Variants in PDE7B observed in about 807,000 individuals in gnomAD.
The protein encoded by PDE7B is 3',5'-cyclic-AMP phosphodiesterase 7B.
In PDE7B, 29 loss-of-function variants were observed where a neutral mutation model predicts 56.2. The ratio of observed to expected loss-of-function variants is 0.52; its 90% CI spans 0.38 to 0.70. PDE7B has a LOEUF of 0.70. Among genes scored for constraint, PDE7B ranks in the 30% least tolerant of loss-of-function variants. The pLI, the probability that PDE7B is intolerant of heterozygous loss-of-function variation, is 0.00. For missense variants in PDE7B, 490 were observed against 565.0 expected, an observed-to-expected ratio of 0.87 and a Z score of 1.35; for synonymous variants, 197 against 196.9, an observed-to-expected ratio of 1.00 and a Z score of 0.00.
At chr6:136,141,735 T>C (rs1477695322) in intron 3 of PDE7B, among the ~76,000 whole-genome samples, 6 of 152,222 alleles carry the variant, frequency 3.9e-5, no homozygotes, top group African/African-American at 1.4e-4. Context: ...TTCTTCTAGA[T>C]TTTCTAGTTT....
chr6:135,900,658 A>G (rs771224941), intron 1 of PDE7B, among the ~76,000 whole-genome samples: 2 of 151,910 alleles, frequency 1.3e-5, no homozygotes, highest in Non-Finnish European at 2.9e-5. Flanking sequence ...GGAGCCAAAT[A>G]TTAAATATCT....
At chr6:136,008,588 G>A (rs139158327) in intron 2 of PDE7B, among the ~76,000 whole-genome samples, 3 of 152,088 alleles carry the variant, frequency 2.0e-5, no homozygotes, top group Admixed American at 6.6e-5. Flanking sequence ...TGGCCAGTGA[G>A]GATGAGCATT....
chr6:135,865,253 A>G (rs1309855432), intron 1 of PDE7B, among the ~76,000 whole-genome samples: 1 of 151,964 alleles, frequency 6.6e-6, no homozygotes, highest in East Asian at 1.9e-4. Context: ...TCCTACTCCC[A>G]TTACTTACCT....
At chr6:136,171,972 A>C (rs1778890992) in intron 8 of PDE7B, among the ~76,000 whole-genome samples, 2 of 151,870 alleles carry the variant, frequency 1.3e-5, no homozygotes, top group Admixed American at 1.3e-4. Context: ...TGAACTCATC[A>C]TTTTTTATGG....
chr6:136,077,327 G>A (rs1181337796), intron 2 of PDE7B, among the ~76,000 whole-genome samples: 2 of 152,174 alleles, frequency 1.3e-5, no homozygotes, highest in Middle Eastern at 3.2e-3. Context: ...ATAAAGATGT[G>A]TGGTTTTTTT....
intron 2 of PDE7B, among the ~76,000 whole-genome samples, chr6:135,985,367 A>G (rs917974491): frequency 2.6e-5 from 4 of 152,210 alleles, no homozygotes; most frequent in Non-Finnish European, 4.4e-5. Context: ...AGGCAACTAG[A>G]GGTTTCCAGA....
At chr6:136,148,470 A>AGGCAGGCAGGCAGGCAGGGAGGC (rs374978896) in intron 4 of PDE7B, among the ~76,000 whole-genome samples, 1 of 130,138 alleles carries the variant, frequency 7.7e-6, no homozygotes. Context: ...GGAAGGAAGG[A>AGGCAGGCAGGCAGGCAGGGAGGC]AGGCAGGCAG....
chr6:136,005,321 A>G (rs2128206529), intron 2 of PDE7B, among the ~76,000 whole-genome samples: 1 of 152,290 alleles, frequency 6.6e-6, no homozygotes, highest in Non-Finnish European at 1.5e-5. Flanking sequence ...AAAACACCAA[A>G]AGCAATGGCA....
chr6:135,944,031 T>C (rs915656106), intron 1 of PDE7B, among the ~76,000 whole-genome samples: 1 of 152,134 alleles, frequency 6.6e-6, no homozygotes, highest in Non-Finnish European at 1.5e-5. Flanking sequence ...GGTCTCGATA[T>C]TTCAGGCACA....
At chr6:136,122,623 A>G (rs1273548987) in intron 3 of PDE7B, among the ~76,000 whole-genome samples, 2 of 152,236 alleles carry the variant, frequency 1.3e-5, no homozygotes, top group African/African-American at 4.8e-5. Context: ...TGTACAATCT[A>G]TAATTGTATA....
chr6:135,884,948 C>T (rs1435416408), intron 1 of PDE7B, among the ~76,000 whole-genome samples: 1 of 152,088 alleles, frequency 6.6e-6, no homozygotes, highest in African/African-American at 2.4e-5. Context: ...TTAAATTAAA[C>T]GTCTGCTCTA....
intron 12 of PDE7B, among the ~76,000 whole-genome samples, chr6:136,188,013 C>T (rs1779167883): frequency 6.6e-6 from 1 of 152,168 alleles, no homozygotes; most frequent in Non-Finnish European, 1.5e-5. Flanking sequence ...CACAGTGCTA[C>T]AGACCTTTGC....
intron 2 of PDE7B, among the ~76,000 whole-genome samples, chr6:136,090,133 C>CT (rs1020395425): frequency 2.6e-5 from 4 of 152,028 alleles, no homozygotes; most frequent in African/African-American, 9.7e-5. Context: ...AGCGACTGTT[C>CT]TTTTTTATCA....
intron 3 of PDE7B, among the ~76,000 whole-genome samples, chr6:136,143,158 T>G (rs908738184): frequency 2.6e-4 from 39 of 152,040 alleles, no homozygotes; most frequent in Admixed American, 2.3e-3. Flanking sequence ...GGTGACAAAA[T>G]CTCTCAGCAT....
At position 136,040,630 on chromosome 6, in the gene PDE7B, C is replaced by T. The variant is rs1039109437; in HGVS notation, c.83-68101C>T. Among the ~76,000 whole-genome samples, 4 of 152,204 alleles carry T rather than the reference C, an allele frequency of 2.6e-5. No homozygotes were observed. The East Asian group carries it at 7.7e-4, about 29-fold the overall frequency. On this transcript the variant is annotated intron_variant, in intron 2 of 12. Transcript: ENST00000308191. Reference sequence around the variant, plus strand: ...TGGTGATTTAAGCTGTTTTCAGTTCCTGCACAGAGGCAGAGGTTTATGATA... The same window carrying T: ...TGGTGATTTAAGCTGTTTTCAGTTCTTGCACAGAGGCAGAGGTTTATGATA...
chr6:135,967,034 G>A (rs1024134517), intron 2 of PDE7B, among the ~76,000 whole-genome samples: 1 of 152,126 alleles, frequency 6.6e-6, no homozygotes, highest in Non-Finnish European at 1.5e-5. Flanking sequence ...CCCTGCAGTG[G>A]CATTGTTTTA....
intron 1 of PDE7B, among the ~76,000 whole-genome samples, chr6:135,857,039 TCC>T (rs1775045906): frequency 2.6e-5 from 3 of 114,524 alleles, no homozygotes; most frequent in Non-Finnish European, 5.1e-5. Flanking sequence ...CCTCCCTCCC[TCC>T]CTCCCTCCCT....
rs1400299367 is a variant in PDE7B, at chr6:135,905,672, ACAGT to A, written c.22-41788_22-41785del. The stretch of plus-strand genomic sequence containing the variant: ...AGCCTAGTACCTGAATGCCTTCCTA[ACAGT>A]CAGCCGAGCACAGCCCGTCTTGCCA... On this transcript the variant is annotated intron_variant, in intron 1 of 12. Coordinates refer to ENST00000308191, the MANE Select transcript of PDE7B (RefSeq NM_018945.4). Among the ~76,000 whole-genome samples, 5 of 152,250 alleles carry A rather than the reference ACAGT, an allele frequency of 3.3e-5. No homozygotes were observed. The East Asian group carries it at 5.8e-4, about 18-fold the overall frequency.
At chr6:136,152,376 G>A (rs1778534976) in intron 6 of PDE7B, among the ~76,000 whole-genome samples, 1 of 152,182 alleles carries the variant, frequency 6.6e-6, no homozygotes, top group Non-Finnish European at 1.5e-5. Flanking sequence ...TGCCCACTAT[G>A]AGCAGAGTAC....
Sources: gnomAD v4.1 joint callset for allele counts (sites outside exome capture counted in the v4.1 genomes callset) on GRCh38, gnomAD v4.1.1 for gene constraint, MANE v1.5 for transcripts, NCBI Gene and HGNC (gene_info 2026-07-23, HGNC 2026-07-21) for gene names.